The following PIP5K1C variants were observed in gnomAD, a reference collection of about 807,000 sequenced individuals.
PIP5K1C encodes phosphatidylinositol-4-phosphate 5-kinase type 1 gamma.
PIP5K1C carries 45 observed loss-of-function variants against 80.1 expected under a neutral mutation model. The ratio of observed to expected loss-of-function variants is 0.56; its 90% confidence interval spans 0.44 to 0.72. The LOEUF (loss-of-function observed/expected upper bound fraction) is 0.72, where lower values mean the gene tolerates loss of function less well. PIP5K1C is among the 30% of genes least tolerant of loss of function. PIP5K1C has a pLI of 0.00. For synonymous variants in PIP5K1C, 498 were observed against 420.1 expected, an observed-to-expected ratio of 1.19 and a Z score of -2.27; for missense variants, 753 against 954.6, an observed-to-expected ratio of 0.79 and a Z score of 2.78.
At chr19:3,657,729 C>A (rs1426124848) in intron 5 of PIP5K1C, among the ~76,000 whole-genome samples, 1 of 150,882 alleles carries the variant, frequency 6.6e-6, no homozygotes, top group Non-Finnish European at 1.5e-5. Context: ...AGTTCAAGAC[C>A]AGCCTGGGCA....
rs1325433204 is a variant in PIP5K1C, at chr19:3,656,152, G to A, written c.621+253C>T. On this transcript the variant is annotated intron_variant, in intron 6 of 17. Coordinates refer to ENST00000335312, the MANE Select transcript of PIP5K1C (RefSeq NM_012398.3). ...GGGGATGGGGAGCCAGGCAGGGGCC[G>A]GTGCCCACCCAGCCCTGCCCGGGGA... Among the ~76,000 whole-genome samples, 7 of 152,204 alleles carry A rather than the reference G, an allele frequency of 4.6e-5. No homozygotes were observed. In the East Asian group the frequency reaches 5.8e-4, roughly 13 times the overall value.
Position 3,637,226 on chromosome 19 carries a change from A to AGAGGGGCTCGCTGGCTG in PIP5K1C, c.1920+1657_1920+1658insCAGCCAGCGAGCCCCTC. ...ACGAGAGGGCTGGGTCCAGGGGCAG[A>AGAGGGGCTCGCTGGCTG]GAGGGGCTCGCTGGGGTCTGGCCGG... On this transcript the variant is annotated intron_variant, in intron 16 of 17. Coordinates refer to ENST00000335312, the MANE Select transcript of PIP5K1C (RefSeq NM_012398.3). The surrounding 1 kb of genome is among the most constrained non-coding windows in gnomAD (Gnocchi z 7.0). The AGAGGGGCTCGCTGGCTG allele has an allele frequency of 6.9e-7, 1 of 1,440,332 alleles. No homozygotes were observed. The highest frequency in any genetic ancestry group is 2.5e-5 in the East Asian group (1 of 39,870). The allele number at this position is 1,440,332 out of a possible 1,614,324, so 89.2% of individuals were successfully genotyped here.
chr19:3,675,784 C>T (rs1246124708), intron 1 of PIP5K1C, among the ~76,000 whole-genome samples: 3 of 152,190 alleles, frequency 2.0e-5, no homozygotes, highest in Admixed American at 1.3e-4. Context: ...CTGGGGCCGT[C>T]CTGGGCACTG....
chr19:3,676,569 C>T (rs1450095926), intron 1 of PIP5K1C, among the ~76,000 whole-genome samples: 3 of 152,234 alleles, frequency 2.0e-5, no homozygotes, highest in Non-Finnish European at 2.9e-5. Context: ...TCCCCGACGG[C>T]GCGTGGCCAG....
intron 14 of PIP5K1C, 23 bp from the exon 15 acceptor site, chr19:3,641,832 C>T (rs1259154064): frequency 3.2e-6 from 5 of 1,579,618 alleles, no homozygotes; most frequent in Non-Finnish European, 4.3e-6. Flanking sequence ...GGAGGTTGTG[C>T]CTCGGTTTCC....
At chr19:3,642,857 G>A (rs1385881875) in intron 14 of PIP5K1C, 50 bp downstream of exon 14, 3 of 1,501,266 alleles carry the variant, frequency 2.0e-6, no homozygotes, top group Non-Finnish European at 2.8e-6. Context: ...GCTGGGAGCT[G>A]TGCAGGAGGA....
chr19:3,662,041 C>A, intron 3 of PIP5K1C, 40 bp from the exon 4 acceptor site: 1 of 1,549,346 alleles, frequency 6.5e-7, no homozygotes, highest in Non-Finnish European at 8.7e-7. Flanking sequence ...CGGCTGCTCC[C>A]CACGCTGCCC....
intron 1 of PIP5K1C, among the ~76,000 whole-genome samples, chr19:3,682,902 G>A (rs2035629959): frequency 6.6e-6 from 1 of 151,878 alleles, no homozygotes; most frequent in African/African-American, 2.4e-5. Context: ...ATGAACGTTT[G>A]CTGGACAGAG....
intron 4 of PIP5K1C, 58 bp downstream of exon 4, chr19:3,661,813 C>A: frequency 6.2e-7 from 1 of 1,601,074 alleles, no homozygotes; most frequent in Non-Finnish European, 8.5e-7. Context: ...ACAGGCCACT[C>A]CGCCTCAGAG....
At chr19:3,676,633 G>A (rs1310269798) in intron 1 of PIP5K1C, among the ~76,000 whole-genome samples, 1 of 152,240 alleles carries the variant, frequency 6.6e-6, no homozygotes, top group Non-Finnish European at 1.5e-5. Context: ...ATCACCGTTT[G>A]ACAGGCCGGG....
rs2033508454 is a variant in PIP5K1C, at chr19:3,632,895, TC to T, written c.*271del. On this transcript the variant is annotated 3_prime_UTR_variant, in exon 18 of 18. Transcript: ENST00000335312. ...TTTCCTAAAACGGCACACACGTGCT[TC>T]CGTCTCTGTGCCAAATAAGGACTCA... 2.0e-6 allele frequency: 1 copy of T among 506,238 alleles called. No homozygotes were observed. The highest frequency in any genetic ancestry group is 3.5e-6 in the Non-Finnish European group (1 of 287,638). The allele number at this position is 506,238 out of a possible 1,614,324, so 31.4% of individuals were successfully genotyped here.
chr19:3,657,393 G>C (rs2034670288), intron 5 of PIP5K1C, among the ~76,000 whole-genome samples: 2 of 152,154 alleles, frequency 1.3e-5, no homozygotes, highest in Admixed American at 1.3e-4. Flanking sequence ...AGTGTGCATG[G>C]GGCTAAGGCC....
At chr19:3,695,181 G>A (rs1446389054) in intron 1 of PIP5K1C, among the ~76,000 whole-genome samples, 1 of 152,228 alleles carries the variant, frequency 6.6e-6, no homozygotes, top group Non-Finnish European at 1.5e-5. Context: ...CCAGAAGACT[G>A]GGCACCCTGA....
rs2033509393 is a variant in PIP5K1C at position 3,632,924 on chromosome 19, T to C, written c.*243A>G. The C allele has an allele frequency of 1.3e-5, 7 of 528,134 alleles. No homozygotes were observed. In the South Asian group the frequency reaches 1.3e-4, roughly 10 times the overall value. 32.7% of individuals were successfully genotyped at this position (528,134 alleles called of 1,614,324 possible). On this transcript the variant is annotated 3_prime_UTR_variant, in exon 18 of 18. Coordinates refer to ENST00000335312, the MANE Select transcript of PIP5K1C (RefSeq NM_012398.3). The stretch of plus-strand genomic sequence containing the variant: ...TCTCTGTGCCAAATAAGGACTCAAA[T>C]GCGATTGGCCGCTCGGGAGGGTGGG...
chr19:3,653,582 T>C lies in PIP5K1C; in HGVS notation c.629A>G (p.Asn210Ser). The change falls in exon 7 of 18, where the codon AAC (asparagine) becomes AGC (serine). Residue 210 changes from asparagine (N) to serine (S), a missense_variant. By Grantham distance (46) the Asn-to-Ser change is conservative. Around this residue, in one of 6 missense-constraint regions of PIP5K1C, gnomAD observed 139 missense variants for 289.7 expected, o/e 0.48. Transcript: ENST00000335312. The part of the protein sequence containing the change: ...KLLPGYYMNL[N>S]QNPRTLLPKF... ...GGGCAGCAGCGTCCGCGGGTTCTGG[T>C]TGAGGTTCTGCCGGGGGAAGAGGGC... 1 of 1,606,850 alleles carries C rather than the reference T, an allele frequency of 6.2e-7. No homozygotes were observed. The highest frequency in any genetic ancestry group is 8.5e-7 in the Non-Finnish European group (1 of 1,174,488).
intron 2 of PIP5K1C, 54 bp from the exon 3 acceptor site, chr19:3,664,968 C>G: frequency 1.4e-6 from 2 of 1,379,708 alleles, no homozygotes; most frequent in Non-Finnish European, 2.1e-6. Context: ...CCCACCGGGA[C>G]AGGGCACGCT....
chr19:3,658,610 G>A (rs1262920125), intron 5 of PIP5K1C, among the ~76,000 whole-genome samples: 4 of 152,216 alleles, frequency 2.6e-5, no homozygotes, highest in South Asian at 2.1e-4. Flanking sequence ...GCCCTGGGCC[G>A]CTGTCCTCAG....
At chr19:3,695,276 C>T (rs547782331) in intron 1 of PIP5K1C, among the ~76,000 whole-genome samples, 8 of 152,316 alleles carry the variant, frequency 5.3e-5, no homozygotes, top group Admixed American at 3.3e-4. Context: ...ACTCCCATGG[C>T]GGACCCCAGC....
At position 3,648,606 on chromosome 19, in the gene PIP5K1C, T is replaced by G; in HGVS notation, c.1211+19A>C. ...GACCCGGGGCGTCCACCTGTAGGAC[T>G]GCAGACCCGGGCACCCACCTGTAGG... On this transcript the variant is annotated intron_variant, in intron 9 of 17. Transcript: ENST00000335312. The surrounding 1 kb of genome is among the most constrained non-coding windows in gnomAD (Gnocchi z 4.3). The G allele has an allele frequency of 1.9e-6, 3 of 1,609,272 alleles. No individual in the cohort carries two copies. The highest frequency in any genetic ancestry group is 2.5e-6 in the Non-Finnish European group (3 of 1,176,810).
Sources: gnomAD v4.1 joint callset for allele counts (sites outside exome capture counted in the v4.1 genomes callset) on GRCh38, gnomAD v4.1.1 for gene constraint, gnomAD v4.1.1 regional missense constraint, Gnocchi (gnomAD v3.1) non-coding constraint, MANE v1.5 for transcripts, NCBI Gene and HGNC (gene_info 2026-07-23, HGNC 2026-07-21) for gene names.